Variants in OPRD1 observed in about 807,000 individuals in gnomAD.
OPRD1 encodes the protein opioid receptor delta 1, also known as delta-type opioid receptor.
Under a neutral mutation model 17.5 loss-of-function variants are expected in OPRD1, and 19 were observed. That is an observed-to-expected ratio of 1.09 (90% CI 0.76 to 1.60). OPRD1 has a LOEUF of 1.60. OPRD1 is among the 40% of genes most tolerant of loss of function. The pLI is 0.00. For missense variants in OPRD1, 483 were observed against 547.2 expected (o/e 0.88, Z 1.17); for synonymous variants, 256 against 240.9 (o/e 1.06, Z -0.58).
intron 1 of OPRD1, among the ~76,000 whole-genome samples, chr1:28,850,828 TAATAAA>T (rs2147745550): frequency 8.1e-6 from 1 of 123,788 alleles, no homozygotes; most frequent in South Asian, 2.5e-4. Context: ...ATAATAATAA[TAATAAA>T]AGGTCAATGG....
intron 1 of OPRD1, among the ~76,000 whole-genome samples, chr1:28,854,959 C>G (rs1231441349): frequency 6.6e-6 from 1 of 152,160 alleles, no homozygotes; most frequent in Non-Finnish European, 1.5e-5. Context: ...TGAGAGCCTG[C>G]TTTTTTGCCG....
chr1:28,863,116 T>C lies in OPRD1; in HGVS notation c.952T>C (p.Tyr318His), dbSNP rs2089140714. 6.2e-7 allele frequency: 1 copy of C among 1,610,402 alleles called. No homozygotes were observed. The highest frequency in any genetic ancestry group is 8.5e-7 in the Non-Finnish European group (1 of 1,179,274). The change falls in exon 3 of 3, where the codon TAC becomes CAC. Residue 318 changes from tyrosine (Y) to histidine (H), a missense_variant. Transcript: ENST00000234961. ...CAATAGCAGCCTCAACCCCGTGCTC[T>C]ACGCTTTCCTCGACGAGAACTTCAA... is the stretch of plus-strand genomic sequence containing the variant. ...YANSSLNPVL[Y>H]AFLDENFKRC...
intron 1 of OPRD1, among the ~76,000 whole-genome samples, chr1:28,855,264 G>T (rs923674621): frequency 1.3e-5 from 2 of 152,106 alleles, no homozygotes; most frequent in African/African-American, 2.4e-5. Context: ...GGGGGACCGG[G>T]GTTCCAGGCA....
chr1:28,814,233 G>T (rs2088654858), intron 1 of OPRD1, among the ~76,000 whole-genome samples: 1 of 152,158 alleles, frequency 6.6e-6, no homozygotes, highest in Non-Finnish European at 1.5e-5. Context: ...CCACGAACTG[G>T]CTCTGTGACT....
chr1:28,837,856 C>T (rs545583567), intron 1 of OPRD1, among the ~76,000 whole-genome samples: 2 of 145,590 alleles, frequency 1.4e-5, no homozygotes, highest in Non-Finnish European at 3.0e-5. Context: ...ATATAAGGAC[C>T]CACCCTAATC....
intron 2 of OPRD1, among the ~76,000 whole-genome samples, chr1:28,862,078 A>AT (rs1409299895): frequency 3.3e-5 from 5 of 151,342 alleles, no homozygotes; most frequent in African/African-American, 1.2e-4. Flanking sequence ...TGCCCGGCTA[A>AT]TTTTTTTGTA....
intron 1 of OPRD1, among the ~76,000 whole-genome samples, chr1:28,842,966 GGA>G (rs1491421873): frequency 4.1e-5 from 6 of 147,372 alleles, no homozygotes; most frequent in African/African-American, 1.5e-4. Flanking sequence ...TAGCTACTTG[GGA>G]AAAAAAAAAG....
intron 1 of OPRD1, among the ~76,000 whole-genome samples, chr1:28,858,406 G>A (rs1040581959): frequency 9.2e-5 from 14 of 151,578 alleles, no homozygotes; most frequent in African/African-American, 3.2e-4. Flanking sequence ...GAGCCACCGC[G>A]CCCGGCCAGG....
chr1:28,831,235 G>A (rs1016466562), intron 1 of OPRD1, among the ~76,000 whole-genome samples: 3 of 152,218 alleles, frequency 2.0e-5, no homozygotes, highest in Admixed American at 2.0e-4. Flanking sequence ...GGCTCGGCCT[G>A]GTGTGGTGGC....
chr1:28,812,816 C>CGG (rs964553170), intron 1 of OPRD1, among the ~76,000 whole-genome samples: 15 of 150,130 alleles, frequency 1.0e-4, no homozygotes, highest in African/African-American at 3.4e-4. Flanking sequence ...GTGTGTGGTG[C>CGG]GGGGGGGGGA....
intron 1 of OPRD1, among the ~76,000 whole-genome samples, chr1:28,846,145 A>T (rs2088940628): frequency 2.0e-5 from 3 of 152,178 alleles, no homozygotes; most frequent in Admixed American, 2.0e-4. Flanking sequence ...CCTGCAGCCC[A>T]TCAGGCTCTT....
intron 1 of OPRD1, among the ~76,000 whole-genome samples, chr1:28,833,544 C>G (rs141348533): frequency 3.9e-5 from 6 of 152,150 alleles, no homozygotes; most frequent in Non-Finnish European, 5.9e-5. Context: ...AAAAGGCCAA[C>G]CCAGATGATC....
chr1:28,815,891 G>A (rs1374099526), intron 1 of OPRD1, among the ~76,000 whole-genome samples: 2 of 152,192 alleles, frequency 1.3e-5, no homozygotes, highest in Non-Finnish European at 2.9e-5. Context: ...GTAGTGGGCA[G>A]AGCTGTGGCT....
chr1:28,848,240 C>T (rs1316032092), intron 1 of OPRD1, among the ~76,000 whole-genome samples: 1 of 115,496 alleles, frequency 8.7e-6, no homozygotes, highest in Admixed American at 8.9e-5. Flanking sequence ...AGCAAGACTC[C>T]GTCTAAAAAA....
At chr1:28,845,642 C>A (rs188046586) in intron 1 of OPRD1, among the ~76,000 whole-genome samples, 6 of 152,168 alleles carry the variant, frequency 3.9e-5, no homozygotes, top group Admixed American at 3.3e-4. Context: ...CACAAGAAAT[C>A]ATTGCCAAAT....
chr1:28,824,649 G>C (rs1271066312), intron 1 of OPRD1, among the ~76,000 whole-genome samples: 1 of 151,932 alleles, frequency 6.6e-6, no homozygotes, highest in Non-Finnish European at 1.5e-5. Context: ...CCTATTTTGT[G>C]CCAGGCACCC....
Position 28,863,263 on chromosome 1 carries a change from G to T in OPRD1, c.1099G>T (p.Gly367Cys), listed in dbSNP as rs770174225. 1 of 1,470,238 alleles carries T rather than the reference G, an allele frequency of 6.8e-7. No homozygotes were observed. Among genetic ancestry groups the T allele is most frequent in the South Asian group, 1.4e-5 (1 of 71,732 alleles). The allele number at this position is 1,470,238 out of a possible 1,614,324, so 91.1% of individuals were successfully genotyped here. The change falls in exon 3 of 3, where the codon GGC becomes TGC. Residue 367 changes from glycine (G) to cysteine (C), a missense_variant. Physicochemically the swap from Gly to Cys is radical, Grantham distance 159. Coordinates refer to ENST00000234961, the MANE Select transcript of OPRD1 (RefSeq NM_000911.4). ...VTACTPSDGP[G>C]GGAAA ...CGCCTGCACCCCGTCCGATGGTCCC[G>T]GCGGTGGCGCTGCCGCCTGACCAGG...
intron 1 of OPRD1, among the ~76,000 whole-genome samples, chr1:28,848,508 T>C (rs1467380809): frequency 1.3e-5 from 2 of 152,252 alleles, no homozygotes; most frequent in East Asian, 3.9e-4. Flanking sequence ...AATGCAGCAG[T>C]TTGTTCAATG....
chr1:28,859,408 A>C, intron 2 of OPRD1, 105 bp downstream of exon 2: 3 of 938,130 alleles, frequency 3.2e-6, no homozygotes, highest in Non-Finnish European at 4.7e-6. Flanking sequence ...TAGGTGGCTC[A>C]TCAGCAGAGG....
Sources: allele counts gnomAD v4.1 joint callset (sites outside exome capture counted in the v4.1 genomes callset), GRCh38; gene constraint gnomAD v4.1.1; transcripts MANE v1.5; gene names NCBI Gene and HGNC (gene_info 2026-07-23, HGNC 2026-07-21).